Variants in ROBO2 observed in about 807,000 individuals in gnomAD.
ROBO2 encodes the protein roundabout homolog 2.
In ROBO2, 53 loss-of-function variants were observed where a neutral mutation model predicts 160.8. The ratio of observed to expected loss-of-function variants is 0.33; its 90% CI spans 0.26 to 0.41. The LOEUF (loss-of-function observed/expected upper bound fraction) is 0.41. Ranked by LOEUF, ROBO2 falls within the 10% of genes least tolerant of loss-of-function variation. The pLI is 1.00. For synonymous variants in ROBO2, 664 were observed against 611.7 expected (o/e 1.09, Z -1.26); for missense variants, 1,577 against 1,722.4 (o/e 0.92, Z 1.49).
intron 24 of ROBO2, among the ~76,000 whole-genome samples, chr3:77,641,358 A>G (rs1459796075): frequency 6.6e-6 from 1 of 152,240 alleles, no homozygotes; most frequent in Admixed American, 6.5e-5. Context: ...AGTCCAATGC[A>G]GATTAGTATC....
chr3:75,927,764 TA>T (rs1322910845), intron 1 of ROBO2, among the ~76,000 whole-genome samples: 1 of 152,212 alleles, frequency 6.6e-6, no homozygotes, highest in African/African-American at 2.4e-5. Context: ...GAGAAACACT[TA>T]GAATTATGCT....
At chr3:77,393,094 A>G (rs1333130018) in intron 2 of ROBO2, among the ~76,000 whole-genome samples, 3 of 152,180 alleles carry the variant, frequency 2.0e-5, no homozygotes, top group Non-Finnish European at 4.4e-5. Flanking sequence ...ATTTTAAACC[A>G]TATTTAAGAA....
chr3:75,919,943 C>CT (rs1413454325), intron 1 of ROBO2, among the ~76,000 whole-genome samples: 2 of 152,070 alleles, frequency 1.3e-5, no homozygotes, highest in Non-Finnish European at 2.9e-5. Flanking sequence ...CCTTATTAGT[C>CT]TGGCTACCGG....
At chr3:77,401,166 C>A (rs923733063) in intron 2 of ROBO2, among the ~76,000 whole-genome samples, 3 of 151,584 alleles carry the variant, frequency 2.0e-5, no homozygotes, top group South Asian at 2.1e-4. Context: ...TCAGTCCTTG[C>A]AGTTTATTGA....
chr3:77,627,458 T>G, intron 23 of ROBO2, among the ~76,000 whole-genome samples: 1 of 151,990 alleles, frequency 6.6e-6, no homozygotes, highest in East Asian at 1.9e-4. Context: ...TTTTTTTTTG[T>G]ATTTTTAGTA....
intron 2 of ROBO2, among the ~76,000 whole-genome samples, chr3:76,978,922 T>G (rs188410592): frequency 2.8e-3 from 426 of 150,066 alleles, no homozygotes; most frequent in Admixed American, 3.8e-3. Context: ...TTAGAGTTTT[T>G]TTTGTTTGTT....
At chr3:77,138,138 T>G (rs1434412139) in intron 2 of ROBO2, among the ~76,000 whole-genome samples, 1 of 152,242 alleles carries the variant, frequency 6.6e-6, no homozygotes, top group Non-Finnish European at 1.5e-5. Flanking sequence ...GAAAATATGG[T>G]TCAATTGTCC....
At chr3:76,671,585 T>C (rs1461131105) in intron 2 of ROBO2, among the ~76,000 whole-genome samples, 1 of 152,134 alleles carries the variant, frequency 6.6e-6, no homozygotes, top group Admixed American at 6.6e-5. Context: ...AAATCACATA[T>C]AATGTTTCCT....
chr3:77,259,564 A>G (rs1379681313), intron 2 of ROBO2, among the ~76,000 whole-genome samples: 2 of 152,236 alleles, frequency 1.3e-5, no homozygotes, highest in East Asian at 3.8e-4. Flanking sequence ...GAGAGTAAAT[A>G]GAACTTAGTA....
At chr3:75,999,288 AT>A (rs1348843160) in intron 2 of ROBO2, among the ~76,000 whole-genome samples, 1 of 152,192 alleles carries the variant, frequency 6.6e-6, no homozygotes, top group Non-Finnish European at 1.5e-5. Flanking sequence ...CAATTGTTAC[AT>A]TTTTTATGAC....
At chr3:76,850,480 C>T (rs2069231868) in intron 2 of ROBO2, among the ~76,000 whole-genome samples, 3 of 152,066 alleles carry the variant, frequency 2.0e-5, no homozygotes, top group African/African-American at 7.2e-5. Flanking sequence ...TACTCCAGCT[C>T]CCTCACTTGA....
chr3:76,393,057 A>T (rs768439751), intron 2 of ROBO2, among the ~76,000 whole-genome samples: 13 of 152,218 alleles, frequency 8.5e-5, no homozygotes, highest in Non-Finnish European at 1.9e-4. Flanking sequence ...AGGACCTGTC[A>T]AGTATCAAAC....
At chr3:76,723,658 T>C (rs1250307066) in intron 2 of ROBO2, among the ~76,000 whole-genome samples, 1 of 152,236 alleles carries the variant, frequency 6.6e-6, no homozygotes, top group Non-Finnish European at 1.5e-5. Context: ...ATTCTATTGT[T>C]TACTGACTTA....
chr3:76,917,992 C>T (rs2076428284), intron 2 of ROBO2, among the ~76,000 whole-genome samples: 1 of 152,062 alleles, frequency 6.6e-6, no homozygotes, highest in East Asian at 1.9e-4. Flanking sequence ...ACATACAAGG[C>T]AGAGATACGA....
At chr3:77,430,236 T>C (rs1387641074) in intron 2 of ROBO2, among the ~76,000 whole-genome samples, 13 of 152,000 alleles carry the variant, frequency 8.6e-5, no homozygotes, top group Admixed American at 8.5e-4. Flanking sequence ...GAGCTAAAGG[T>C]CTACATGAAG....
chr3:77,092,087 T>C (rs184637603), intron 1 of ROBO2: 1 of 151,856 alleles, frequency 6.6e-6, no homozygotes, highest in Admixed American at 6.6e-5. Flanking sequence ...TATACCAAAA[T>C]TGAAGCAATA....
intron 2 of ROBO2, among the ~76,000 whole-genome samples, chr3:76,083,010 A>G (rs1261815170): frequency 6.6e-6 from 1 of 152,102 alleles, no homozygotes; most frequent in African/African-American, 2.4e-5. Context: ...GTAATGAGGG[A>G]GGAAAGATTA....
In ROBO2 at chr3:76,189,304, A is replaced by T. The variant is rs570541897; in HGVS notation, c.109+251702A>T. Among the ~76,000 whole-genome samples, 15 of 152,262 alleles carry T rather than the reference A, an allele frequency of 9.9e-5. No individual in the cohort carries two copies. In the South Asian group the frequency reaches 2.7e-3, roughly 27 times the overall value. The stretch of plus-strand genomic sequence containing the variant: ...AAAGTATTCAACACAATGGGAAAAA[A>T]AGGTGTTTTTATGAATTAAGTGAAG... On this transcript the variant is annotated intron_variant, in intron 2 of 26. Transcript: ENST00000487694.
chr3:76,591,599 C>T (rs1415472466), intron 2 of ROBO2, among the ~76,000 whole-genome samples: 4 of 152,082 alleles, frequency 2.6e-5, no homozygotes, highest in African/African-American at 9.7e-5. Context: ...GTTAAAAACT[C>T]CTGCCAATAG....
Sources: allele counts gnomAD v4.1 joint callset (sites outside exome capture counted in the v4.1 genomes callset), GRCh38; gene constraint gnomAD v4.1.1; transcripts MANE v1.5; gene names NCBI Gene and HGNC (gene_info 2026-07-23, HGNC 2026-07-21).